Variants in MAD1L1 observed in about 807,000 individuals in gnomAD.
The protein encoded by MAD1L1 is mitotic spindle assembly checkpoint protein MAD1.
Under a neutral mutation model 96.9 loss-of-function variants are expected in MAD1L1, and 95 were observed. The ratio of observed to expected loss-of-function variants is 0.98; its 90% CI spans 0.83 to 1.16. The LOEUF is 1.16. MAD1L1 is among the 50% of genes most tolerant of loss of function. The pLI is 0.00. For synonymous variants in MAD1L1, 473 were observed against 396.6 expected, an observed-to-expected ratio of 1.19 and a Z score of -2.29; for missense variants, 1,007 against 954.4, an observed-to-expected ratio of 1.06 and a Z score of -0.73.
intron 11 of MAD1L1, among the ~76,000 whole-genome samples, chr7:2,076,086 T>C (rs934320200): frequency 6.6e-6 from 1 of 152,196 alleles, no homozygotes; most frequent in African/African-American, 2.4e-5. Flanking sequence ...CTTGGGATGG[T>C]ATGAGGCGGC....
intron 12 of MAD1L1, among the ~76,000 whole-genome samples, chr7:2,047,298 C>T (rs1783968149): frequency 6.6e-6 from 1 of 152,178 alleles, no homozygotes; most frequent in African/African-American, 2.4e-5. Context: ...CACGAGGAAA[C>T]CCTGGGGGCC....
chr7:2,172,588 G>A (rs1260892701), intron 10 of MAD1L1, among the ~76,000 whole-genome samples: 1 of 152,258 alleles, frequency 6.6e-6, no homozygotes, highest in Admixed American at 6.5e-5. Flanking sequence ...GGGCAGCCCA[G>A]GCGCAGCCAC....
At chr7:1,931,603 G>A (rs1789482785) in intron 17 of MAD1L1, among the ~76,000 whole-genome samples, 1 of 152,184 alleles carries the variant, frequency 6.6e-6, no homozygotes, top group Non-Finnish European at 1.5e-5. Flanking sequence ...CGGACGTCCT[G>A]CTGACTTCCC....
intron 10 of MAD1L1, 141 bp downstream of exon 10, chr7:2,213,071 G>A (rs916616782): frequency 3.8e-6 from 3 of 791,110 alleles, no homozygotes; most frequent in African/African-American, 1.7e-5. Flanking sequence ...CATTAAACCT[G>A]AGCAGCCCAG....
intron 1 of MAD1L1, among the ~76,000 whole-genome samples, chr7:2,231,512 CAGG>C (rs963604075): frequency 2.6e-5 from 4 of 152,038 alleles, no homozygotes; most frequent in Admixed American, 6.6e-5. Flanking sequence ...GAGGCTGGGA[CAGG>C]AGATTTTCTT....
chr7:1,937,456 T>C (rs1042035692), intron 16 of MAD1L1, among the ~76,000 whole-genome samples: 1 of 152,156 alleles, frequency 6.6e-6, no homozygotes, highest in African/African-American at 2.4e-5. Context: ...GGGATGTGTG[T>C]GGCATCCTTG....
chr7:1,875,117 G>A (rs925704846), intron 18 of MAD1L1, among the ~76,000 whole-genome samples: 10 of 152,162 alleles, frequency 6.6e-5, no homozygotes, highest in African/African-American at 1.9e-4. Context: ...TTCTGCCCCA[G>A]AGACGACTAA....
intron 15 of MAD1L1, among the ~76,000 whole-genome samples, chr7:1,959,412 A>G (rs1042545136): frequency 9.9e-5 from 15 of 152,236 alleles, no homozygotes; most frequent in Admixed American, 8.5e-4. Flanking sequence ...ACTATAAGAA[A>G]GTTCCACTTT....
intron 3 of MAD1L1, 121 bp downstream of exon 3, chr7:2,229,863 G>T: frequency 1.8e-6 from 2 of 1,093,774 alleles, no homozygotes; most frequent in Non-Finnish European, 2.6e-6. Flanking sequence ...CCTGGGAGAC[G>T]AATAGCTGTC....
rs1402263931 is a variant in MAD1L1 at position 2,146,190 on chromosome 7, G to A, written c.1073+2962C>T. Reference sequence around the variant, plus strand: ...TCGGCCTGAGGCACAAGCATTCCGAGATGCTGCCACGTGAGCTACCCCAGC... The same window carrying A: ...TCGGCCTGAGGCACAAGCATTCCGAAATGCTGCCACGTGAGCTACCCCAGC... On this transcript the variant is annotated intron_variant, in intron 11 of 18. Coordinates refer to ENST00000265854, the MANE Select transcript of MAD1L1 (RefSeq NM_001013836.2). The surrounding 1 kb of genome is among the most constrained non-coding windows in gnomAD (Gnocchi z 6.2). 6.6e-6 allele frequency among the ~76,000 whole-genome samples: 1 copy of A among 152,222 alleles called. No homozygotes were observed. Among genetic ancestry groups the A allele is most frequent in the Non-Finnish European group, 1.5e-5 (1 of 68,044 alleles).
chr7:2,060,083 C>T (rs577016665), intron 12 of MAD1L1, among the ~76,000 whole-genome samples: 72 of 147,270 alleles, frequency 4.9e-4, no homozygotes, highest in African/African-American at 1.6e-3. Context: ...ACGCTGATGC[C>T]AAGATACGCT....
chr7:2,001,683 G>C (rs556266246), intron 14 of MAD1L1, among the ~76,000 whole-genome samples: 1 of 152,362 alleles, frequency 6.6e-6, no homozygotes, highest in South Asian at 2.1e-4. Flanking sequence ...TGGGGACTCG[G>C]GTCCTGTGTG....
intron 11 of MAD1L1, among the ~76,000 whole-genome samples, chr7:2,141,180 C>T (rs1584414519): frequency 6.6e-6 from 1 of 152,244 alleles, no homozygotes. Flanking sequence ...GGTTCAGACA[C>T]CCACCTAGAG....
chr7:2,210,553 C>T (rs987110247), intron 10 of MAD1L1, among the ~76,000 whole-genome samples: 1 of 144,614 alleles, frequency 6.9e-6, no homozygotes, highest in Non-Finnish European at 1.5e-5. Flanking sequence ...CTCTAGGAGC[C>T]GTATTCGGGA....
chr7:1,846,341 G>C (rs1253459641), intron 18 of MAD1L1: 1 of 152,726 alleles, frequency 6.5e-6, no homozygotes, highest in Non-Finnish European at 1.5e-5. Context: ...CCAGGACACG[G>C]GACATAAAGG....
intron 11 of MAD1L1, among the ~76,000 whole-genome samples, chr7:2,093,900 C>G (rs1385245046): frequency 6.6e-6 from 1 of 152,240 alleles, no homozygotes; most frequent in Non-Finnish European, 1.5e-5. Context: ...GTGACGATGT[C>G]AGGTCGGCAG....
At chr7:2,049,336 G>A (rs1288121150) in intron 12 of MAD1L1, among the ~76,000 whole-genome samples, 2 of 152,132 alleles carry the variant, frequency 1.3e-5, no homozygotes, top group Non-Finnish European at 2.9e-5. Flanking sequence ...CTCCCTTCCC[G>A]GTGCCCCGCC....
chr7:1,908,197 G>A (rs1787794294), intron 17 of MAD1L1, among the ~76,000 whole-genome samples: 2 of 152,220 alleles, frequency 1.3e-5, no homozygotes, highest in African/African-American at 4.8e-5. Flanking sequence ...GGGACCACCT[G>A]GCTCAGGGCT....
chr7:1,944,135 T>A (rs1391826061), intron 16 of MAD1L1, among the ~76,000 whole-genome samples: 2 of 152,040 alleles, frequency 1.3e-5, no homozygotes, highest in Non-Finnish European at 2.9e-5. Context: ...GCCACGGGAC[T>A]CCCTTTCCAG....
Sources: gnomAD v4.1 joint callset for allele counts (sites outside exome capture counted in the v4.1 genomes callset) on GRCh38, gnomAD v4.1.1 for gene constraint, Gnocchi (gnomAD v3.1) non-coding constraint, MANE v1.5 for transcripts, NCBI Gene and HGNC (gene_info 2026-07-23, HGNC 2026-07-21) for gene names.